NRXN3: variants seen among roughly 807,000 people sequenced by gnomAD.
The protein encoded by NRXN3 is neurexin III.
Under a neutral mutation model 137.6 loss-of-function variants are expected in NRXN3, and 32 were observed. The ratio of observed to expected loss-of-function variants is 0.23; its 90% CI spans 0.18 to 0.31. NRXN3 has a LOEUF of 0.31. Ranked by LOEUF, NRXN3 falls within the 10% of genes least tolerant of loss-of-function variation. NRXN3 has a pLI of 1.00. For synonymous variants in NRXN3, 798 were observed against 784.5 expected (o/e 1.02, Z -0.29); for missense variants, 1,574 against 2,062.5 (o/e 0.76, Z 4.59).
At position 78,791,613 on chromosome 14, in the gene NRXN3, G is replaced by T. The variant is rs185800294; in HGVS notation, c.2045-12007G>T. On this transcript the variant is annotated intron_variant, in intron 8 of 20. Transcript: ENST00000335750. ...AAGAGTAGTGGAAATGGCTATAGGA[G>T]AAAAAAATATATGTAATAGAAACAG... Among the ~76,000 whole-genome samples the T allele has an allele frequency of 1.1e-3, 175 of 152,188 alleles. 1 individual carries two copies. The highest frequency in any genetic ancestry group is 8.5e-4 in the Non-Finnish European group (58 of 67,992).
chr14:79,386,833 G>GAAAA, intron 15 of NRXN3, among the ~76,000 whole-genome samples: 1 of 152,092 alleles, frequency 6.6e-6, no homozygotes, highest in Non-Finnish European at 1.5e-5. Flanking sequence ...ACAAACCTGA[G>GAAAA]AAAAACAAGC....
chr14:79,470,614 A>T (rs1281233295), intron 16 of NRXN3, among the ~76,000 whole-genome samples: 1 of 152,184 alleles, frequency 6.6e-6, no homozygotes, highest in Non-Finnish European at 1.5e-5. Context: ...AGAGCATAGC[A>T]GCAGAATATA....
intron 5 of NRXN3, among the ~76,000 whole-genome samples, chr14:78,650,103 T>A (rs929214373): frequency 6.6e-6 from 1 of 152,160 alleles, no homozygotes; most frequent in Non-Finnish European, 1.5e-5. Context: ...TTTTCTTTTC[T>A]TTTATTTAGT....
At chr14:79,516,922 A>G (rs2096991954) in intron 16 of NRXN3, among the ~76,000 whole-genome samples, 1 of 152,186 alleles carries the variant, frequency 6.6e-6, no homozygotes. Context: ...TGCAGTTACA[A>G]ATAATACTGC....
intron 15 of NRXN3, among the ~76,000 whole-genome samples, chr14:79,215,884 TG>T (rs1225924271): frequency 1.3e-5 from 2 of 152,210 alleles, no homozygotes; most frequent in Non-Finnish European, 2.9e-5. Context: ...GCATTTTCAC[TG>T]GTGTTTTTTT....
chr14:78,782,372 T>G (rs545731776), intron 8 of NRXN3, among the ~76,000 whole-genome samples: 1 of 152,318 alleles, frequency 6.6e-6, no homozygotes, highest in East Asian at 1.9e-4. Flanking sequence ...GAAAAATTAA[T>G]TACTAAAATC....
At chr14:78,442,671 C>T (rs893181684) in intron 4 of NRXN3, among the ~76,000 whole-genome samples, 1 of 152,210 alleles carries the variant, frequency 6.6e-6, no homozygotes, top group Non-Finnish European at 1.5e-5. Context: ...ATTTTATTAT[C>T]AGCTTGGGTC....
chr14:79,850,803 C>T (rs2099389882), intron 20 of NRXN3, among the ~76,000 whole-genome samples: 1 of 152,120 alleles, frequency 6.6e-6, no homozygotes, highest in African/African-American at 2.4e-5. Flanking sequence ...CAAGCAATGT[C>T]ATTTTGTATC....
At chr14:78,307,683 A>C (rs1451224956) in intron 4 of NRXN3, among the ~76,000 whole-genome samples, 2 of 152,238 alleles carry the variant, frequency 1.3e-5, no homozygotes, top group South Asian at 2.1e-4. Flanking sequence ...GCTTTGTAAA[A>C]AGCCAGACTA....
chr14:79,572,463 A>G (rs902725428), intron 16 of NRXN3, among the ~76,000 whole-genome samples: 33 of 152,306 alleles, frequency 2.2e-4, no homozygotes, highest in African/African-American at 7.0e-4. Flanking sequence ...AATGCATGTA[A>G]CTTGCCATTC....
chr14:79,038,727 C>T (rs1366670647), intron 15 of NRXN3, among the ~76,000 whole-genome samples: 3 of 152,210 alleles, frequency 2.0e-5, no homozygotes, highest in East Asian at 1.9e-4. Flanking sequence ...TTTTCCTTTG[C>T]AGAAAGGAGC....
intron 4 of NRXN3, among the ~76,000 whole-genome samples, chr14:78,380,307 CAAAAAAAAAA>C (rs34099445): frequency 5.0e-5 from 5 of 100,476 alleles, no homozygotes; most frequent in African/African-American, 1.6e-4. Flanking sequence ...GACTCCGTCT[CAAAAAAAAAA>C]AAAAAAAAAA....
chr14:78,778,766 T>A (rs1175588898), intron 8 of NRXN3, among the ~76,000 whole-genome samples: 471 of 36,576 alleles, frequency 0.013, 4 homozygotes, highest in African/African-American at 0.056. Context: ...TTCTCTTTCT[T>A]TCTTTCTTTC....
chr14:78,335,547 A>G (rs1039097515), intron 4 of NRXN3, among the ~76,000 whole-genome samples: 1 of 152,244 alleles, frequency 6.6e-6, no homozygotes, highest in Non-Finnish European at 1.5e-5. Flanking sequence ...TAATATATTA[A>G]TTACTAGTAT....
intron 1 of NRXN3, among the ~76,000 whole-genome samples, chr14:78,237,582 A>C (rs1414866899): frequency 6.6e-6 from 1 of 152,164 alleles, no homozygotes; most frequent in African/African-American, 2.4e-5. Flanking sequence ...TTTCACGATA[A>C]TTCCAGTGAA....
chr14:78,988,838 A>T (rs921487972), intron 15 of NRXN3, among the ~76,000 whole-genome samples: 7 of 152,018 alleles, frequency 4.6e-5, no homozygotes, highest in Non-Finnish European at 1.0e-4. Context: ...TTATATGTAT[A>T]TATTATGTAT....
At chr14:78,219,050 T>C (rs1235368603) in intron 1 of NRXN3, among the ~76,000 whole-genome samples, 2 of 152,170 alleles carry the variant, frequency 1.3e-5, no homozygotes, top group Admixed American at 1.3e-4. Flanking sequence ...ACCAGTTAGA[T>C]TGGATTAGGG....
At chr14:79,330,774 C>G (rs1245690299) in intron 15 of NRXN3, among the ~76,000 whole-genome samples, 1 of 152,172 alleles carries the variant, frequency 6.6e-6, no homozygotes, top group Non-Finnish European at 1.5e-5. Context: ...GTCCTCTATG[C>G]TTTTCAAATT....
chr14:78,180,669 G>C (rs2059731351), intron 1 of NRXN3, among the ~76,000 whole-genome samples: 2 of 152,206 alleles, frequency 1.3e-5, no homozygotes, highest in Admixed American at 1.3e-4. Flanking sequence ...GGCTCAGGAA[G>C]TCTCCCATGA....
Sources: gnomAD v4.1 joint callset for allele counts (sites outside exome capture counted in the v4.1 genomes callset) on GRCh38, gnomAD v4.1.1 for gene constraint, MANE v1.5 for transcripts, NCBI Gene and HGNC (gene_info 2026-07-23, HGNC 2026-07-21) for gene names.